CBARP: variants seen among roughly 807,000 people sequenced by gnomAD.
The protein encoded by CBARP is voltage-dependent calcium channel beta subunit-associated regulatory protein.
In CBARP, 24 loss-of-function variants were observed where a neutral mutation model predicts 36.3. The observed-to-expected ratio is 0.66, with a 90% CI of 0.48 to 0.93. CBARP has a LOEUF of 0.93. CBARP is among the 40% of genes least tolerant of loss of function. The probability of loss-of-function intolerance (pLI) is 0.00; values close to 1 mark genes in which losing one functional copy is unlikely to be tolerated. For synonymous variants in CBARP, 586 were observed against 453.2 expected (o/e 1.29, Z -3.72); for missense variants, 1,146 against 980.4 (o/e 1.17, Z -2.26).
In CBARP at chr19:1,235,214, G is replaced by A. The variant is rs1415961474; in HGVS notation, c.311-69C>T. ...CCAGGCGCCTGGTCCCGGGAGGGCT[G>A]CTCCTCCGGGCGGCCACGGCAGGGA... On this transcript the variant is annotated intron_variant, in intron 4 of 9. Coordinates refer to ENST00000650044, the MANE Select transcript of CBARP (RefSeq NM_001393918.1). The A allele has an allele frequency of 6.5e-6, 9 of 1,378,406 alleles. No individual in the cohort carries two copies. The South Asian group carries it at 1.2e-4, about 18-fold the overall frequency. 85.4% of individuals were successfully genotyped at this position (1,378,406 alleles called of 1,614,324 possible).
At chr19:1,231,980 C>T (rs2080900319) in intron 8 of CBARP, among the ~76,000 whole-genome samples, 2 of 152,098 alleles carry the variant, frequency 1.3e-5, no homozygotes, top group South Asian at 2.1e-4. Context: ...GCTGAAACTA[C>T]GGAAGGCATG....
intron 4 of CBARP, 131 bp from the exon 5 acceptor site, chr19:1,235,276 G>T: frequency 1.7e-6 from 2 of 1,150,698 alleles, no homozygotes. Context: ...GGGCTGGCGG[G>T]GCGAGGGACA....
chr19:1,236,848 G>A (rs956679199), intron 1 of CBARP, among the ~76,000 whole-genome samples: 1 of 138,748 alleles, frequency 7.2e-6, no homozygotes, highest in Non-Finnish European at 1.6e-5. Context: ...GGGGGCGGCG[G>A]CCTGGGGGGG....
chr19:1,236,437 C>T (rs1422919398), intron 1 of CBARP, among the ~76,000 whole-genome samples: 1 of 152,164 alleles, frequency 6.6e-6, no homozygotes, highest in Non-Finnish European at 1.5e-5. Context: ...CCCTGGAGCT[C>T]AGCGCTGGGC....
In CBARP at chr19:1,235,534, T is replaced by A. The variant is rs1270592154; in HGVS notation, c.277A>T (p.Thr93Ser). Residue 93 changes from threonine (T) to serine (S), a missense_variant, in exon 4 of 10, where the codon ACC (threonine) becomes TCC (serine). Thr to Ser is a moderately conservative substitution (Grantham distance 58, BLOSUM62 1). Coordinates refer to ENST00000650044, the MANE Select transcript of CBARP (RefSeq NM_001393918.1). ...GGGTGGGTGCCGTTGTCCAGGTAGG[T>A]GGTGGTGGTCTTCTCCGCTTCCTCC... is the stretch of plus-strand genomic sequence containing the variant. ...AMEEAEKTTT[T>S]YLDNGTHPAQ... The A allele has an allele frequency of 6.2e-7, 1 of 1,605,284 alleles. No homozygotes were observed. Among genetic ancestry groups the A allele is most frequent in the African/African-American group, 1.3e-5 (1 of 74,558 alleles).
At position 1,229,559 on chromosome 19, in the gene CBARP, G is replaced by A; in HGVS notation, c.1738C>T (p.Gln580Ter). ...RARAHPHARK[Q>*]WQRGRQHSDP... is the part of the protein sequence containing the mutation. The stretch of plus-strand genomic sequence containing the variant: ...CTGTGCTGCCGGCCACGCTGCCACT[G>A]TTTGCGGGCGTGCGGGTGCGCGCGG... The change falls in exon 10 of 10, where the codon CAG (glutamine) becomes TAG (stop). Residue 580 changes from glutamine to a stop codon, truncating the protein, a stop_gained. Transcript: ENST00000650044. LOFTEE classifies it low-confidence loss of function (END_TRUNC). The surrounding 1 kb of genome is among the most constrained non-coding windows in gnomAD (Gnocchi z 5.1). The A allele has an allele frequency of 9.5e-7, 1 of 1,057,130 alleles. No individual in the cohort carries two copies. Among genetic ancestry groups the A allele is most frequent in the Non-Finnish European group, 1.2e-6 (1 of 867,290 alleles). The allele number at this position is 1,057,130 out of a possible 1,614,324, so 65.5% of individuals were successfully genotyped here.
At position 1,237,887 on chromosome 19, in the gene CBARP, G is replaced by T. The variant is rs1453727963; in HGVS notation, c.-153C>A. On this transcript the variant is annotated 5_prime_UTR_variant, in exon 1 of 10. Coordinates refer to ENST00000650044, the MANE Select transcript of CBARP (RefSeq NM_001393918.1). ...TTATGAATGGAGAGCGCGGCGCGGG[G>T]GAGGCCGGCGCGAGAGGAGGGGCCG... The T allele has an allele frequency of 6.8e-6, 1 of 147,480 alleles. No homozygotes were observed. The highest frequency in any genetic ancestry group is 1.5e-5 in the Non-Finnish European group (1 of 66,186). The allele number at this position is 147,480 out of a possible 1,614,324, so 9.1% of individuals were successfully genotyped here.
rs2080989663 is a variant in CBARP at position 1,237,354 on chromosome 19, C to G, written c.-22+402G>C. Among the ~76,000 whole-genome samples, 3 of 151,736 alleles carry G rather than the reference C, an allele frequency of 2.0e-5. No individual in the cohort carries two copies. The South Asian group carries it at 6.2e-4, about 31-fold the overall frequency. On this transcript the variant is annotated intron_variant, in intron 1 of 9. Coordinates refer to ENST00000650044, the MANE Select transcript of CBARP (RefSeq NM_001393918.1). ...GTGGGGACAGGCGCAGGATGGTGAC[C>G]GGAGGCCGGGGAAGATGGCAGGAGG...
At position 1,237,910 on chromosome 19, in the gene CBARP, C is replaced by T. The variant is rs2080998179; in HGVS notation, c.-176G>A. The T allele has an allele frequency of 6.8e-6, 1 of 147,208 alleles. No individual in the cohort carries two copies. Among genetic ancestry groups the T allele is most frequent in the Admixed American group, 6.7e-5 (1 of 14,820 alleles). 9.1% of individuals were successfully genotyped at this position (147,208 alleles called of 1,614,324 possible). On this transcript the variant is annotated 5_prime_UTR_variant, in exon 1 of 10. Transcript: ENST00000650044. ...GGGGAGGCCGGCGCGAGAGGAGGGG[C>T]CGCGCACGTGACCGCGTTGGCGGCG...
chr19:1,236,227 G>C, intron 1 of CBARP, 106 bp from the exon 2 acceptor site: 1 of 1,333,912 alleles, frequency 7.5e-7, no homozygotes, highest in African/African-American at 1.5e-5. Context: ...CACACAGGGG[G>C]CAGTGACTCA....
At position 1,230,597 on chromosome 19, in the gene CBARP, C is replaced by T. The variant is rs1011651890; in HGVS notation, c.1155-455G>A. 16 of 1,193,778 alleles carry T rather than the reference C, an allele frequency of 1.3e-5. No individual in the cohort carries two copies. The Admixed American group carries it at 4.9e-4, about 37-fold the overall frequency. 73.9% of individuals were successfully genotyped at this position (1,193,778 alleles called of 1,614,324 possible). ...ACAGACGTGAGGGTCACCCGCCATA[C>T]CAGGGCTGCCCCAGGAACCCTGCTC... On this transcript the variant is annotated intron_variant, in intron 9 of 9. Transcript: ENST00000650044.
Position 1,232,721 on chromosome 19 carries a change from C to T in CBARP, c.979+705G>A, listed in dbSNP as rs756783715. 6.6e-5 allele frequency among the ~76,000 whole-genome samples: 10 copies of T among 152,378 alleles called. No individual in the cohort carries two copies. The South Asian group carries it at 2.1e-3, about 32-fold the overall frequency. ...CCCAGAGGGCAAAAGCACCCCCTGC[C>T]CCGGAGCTTCGGTAAGTTTTACTGG... is the stretch of plus-strand genomic sequence containing the variant. On this transcript the variant is annotated intron_variant, in intron 8 of 9. Transcript: ENST00000650044.
In CBARP at chr19:1,234,686, A is replaced by G; in HGVS notation, c.512T>C (p.Leu171Pro). Residue 171 changes from leucine (L) to proline (P), a missense_variant, in exon 6 of 10, where the codon CTG becomes CCG. Physicochemically the swap from Leu to Pro is moderately conservative, Grantham distance 98. Transcript: ENST00000650044. ...GACAATCTTGAGGGGCGGCAGGTGCAGGTGCGTGAGCCGGGCATTCTTCAG... is the reference window on the plus strand; with the variant it reads ...GACAATCTTGAGGGGCGGCAGGTGCGGGTGCGTGAGCCGGGCATTCTTCAG... ...HHLKNARLTH[L>P]HLPPLKIVTI... is the part of the protein sequence containing the mutation. 1 of 1,612,956 alleles carries G rather than the reference A, an allele frequency of 6.2e-7. No homozygotes were observed. Among genetic ancestry groups the G allele is most frequent in the Non-Finnish European group, 8.5e-7 (1 of 1,179,704 alleles).
In CBARP at chr19:1,234,170, G is replaced by C; in HGVS notation, c.768+21C>G. 4.7e-6 allele frequency: 7 copies of C among 1,496,732 alleles called. No individual in the cohort carries two copies. In the South Asian group the frequency reaches 9.7e-5, roughly 21 times the overall value. 92.7% of individuals were successfully genotyped at this position (1,496,732 alleles called of 1,614,324 possible). The stretch of plus-strand genomic sequence containing the variant: ...GCCTCCCCGGCTGTGGACACCATGG[G>C]GGACACGCAGGGGCCCTCACCGAGG... On this transcript the variant is annotated intron_variant, in intron 7 of 9. Coordinates refer to ENST00000650044, the MANE Select transcript of CBARP (RefSeq NM_001393918.1).
At position 1,229,607 on chromosome 19, in the gene CBARP, G is replaced by A. The variant is rs1290133732; in HGVS notation, c.1690C>T (p.Pro564Ser). Residue 564 changes from proline (P) to serine (S), a missense_variant, in exon 10 of 10, where the codon CCG becomes TCG. Physicochemically the swap from Pro to Ser is moderately conservative, Grantham distance 74. Transcript: ENST00000650044. This position sits in a 1 kb window ranked among gnomAD's most constrained non-coding sequence, Gnocchi z 5.1. ...LRHDPHFDDT[P>S]AAARHRARAH... ...CGGGCGCGGTGTCGCGCGGCAGCCGGCGTGTCGTCGAAGTGCGGGTCGTGG... is the reference window on the plus strand; with the variant it reads ...CGGGCGCGGTGTCGCGCGGCAGCCGACGTGTCGTCGAAGTGCGGGTCGTGG... 2 of 1,200,298 alleles carry A rather than the reference G, an allele frequency of 1.7e-6. No homozygotes were observed. The highest frequency in any genetic ancestry group is 1.7e-5 in the African/African-American group (1 of 59,628). 74.4% of individuals were successfully genotyped at this position (1,200,298 alleles called of 1,614,324 possible). A position where few individuals can be genotyped will look rare whatever the true frequency, so the allele number is the denominator to read the frequency against.
chr19:1,229,794 C>T lies in CBARP; in HGVS notation c.1503G>A (p.Met501Ile). Residue 501 changes from methionine to isoleucine, a missense_variant, in exon 10 of 10, where the codon ATG (methionine) becomes ATA (isoleucine). Physicochemically the swap from Met to Ile is conservative, Grantham distance 10 (BLOSUM62 1). Transcript: ENST00000650044. This position sits in a 1 kb window ranked among gnomAD's most constrained non-coding sequence, Gnocchi z 5.1. ...KDGEARRLLQ[M>I]DSGYASIEGR... ...CCTCGATGCTGGCGTAGCCACTGTC[C>T]ATCTGCAGCAGCCGGCGCGCCTCGC... 1 of 1,012,484 alleles carries T rather than the reference C, an allele frequency of 9.9e-7. No individual in the cohort carries two copies. Among genetic ancestry groups the T allele is most frequent in the Non-Finnish European group, 1.2e-6 (1 of 842,212 alleles). The allele number at this position is 1,012,484 out of a possible 1,614,324, so 62.7% of individuals were successfully genotyped here. A position where few individuals can be genotyped will look rare whatever the true frequency, so the allele number is the denominator to read the frequency against.
At chr19:1,231,037 G>A (rs549881842) in intron 9 of CBARP, 64 bp downstream of exon 9, 17 of 1,555,386 alleles carry the variant, frequency 1.1e-5, no homozygotes, top group Middle Eastern at 3.4e-4. Context: ...GCCGCCTAGG[G>A]GGGGGCGAAG....
intron 6 of CBARP, 25 bp from the exon 7 acceptor site, chr19:1,234,356 A>G: frequency 2.1e-6 from 3 of 1,437,278 alleles, no homozygotes; most frequent in Non-Finnish European, 1.8e-6. Flanking sequence ...CAGGTGGGGG[A>G]GGAAGCAGTG....
chr19:1,230,731 G>C, intron 9 of CBARP: 2 of 1,296,136 alleles, frequency 1.5e-6, no homozygotes, highest in Non-Finnish European at 2.0e-6. Context: ...GGTCACAGCA[G>C]CTTCTGAGAG....
Sources: allele counts gnomAD v4.1 joint callset (sites outside exome capture counted in the v4.1 genomes callset), GRCh38; gene constraint gnomAD v4.1.1; non-coding constraint Gnocchi (gnomAD v3.1); transcripts MANE v1.5; gene names NCBI Gene and HGNC (gene_info 2026-07-23, HGNC 2026-07-21).